MYO16: variants seen among roughly 807,000 people sequenced by gnomAD.
MYO16 encodes the protein myosin XVI.
A neutral mutation model predicts 205.3 loss-of-function variants in MYO16; 94 were observed. The observed-to-expected ratio is 0.46, with a 90% CI of 0.39 to 0.54. MYO16 has a LOEUF of 0.54. Ranked by LOEUF, MYO16 falls within the 20% of genes least tolerant of loss-of-function variation. MYO16 has a pLI of 0.00. For synonymous variants in MYO16, 988 were observed against 954.0 expected, an observed-to-expected ratio of 1.04 and a Z score of -0.66; for missense variants, 2,315 against 2,387.5, an observed-to-expected ratio of 0.97 and a Z score of 0.63.
chr13:108,934,250 A>T (rs969875862), intron 16 of MYO16, among the ~76,000 whole-genome samples: 3 of 152,058 alleles, frequency 2.0e-5, no homozygotes, highest in Non-Finnish European at 4.4e-5. Flanking sequence ...ATCCTCACCA[A>T]TGTCTATTGT....
At chr13:108,954,931 C>T (rs1276788709) in intron 16 of MYO16, among the ~76,000 whole-genome samples, 1 of 152,190 alleles carries the variant, frequency 6.6e-6, no homozygotes, top group African/African-American at 2.4e-5. Flanking sequence ...AGTAACACCA[C>T]CCCAGGAGCT....
At chr13:108,709,223 C>T (rs906615956) in intron 2 of MYO16, among the ~76,000 whole-genome samples, 8 of 152,204 alleles carry the variant, frequency 5.3e-5, no homozygotes, top group South Asian at 2.1e-4. Context: ...CTTGACTGGC[C>T]GCTCCAATCA....
At chr13:108,789,356 A>G (rs1444559119) in intron 5 of MYO16, among the ~76,000 whole-genome samples, 4 of 152,090 alleles carry the variant, frequency 2.6e-5, no homozygotes, top group Admixed American at 6.5e-5. Context: ...TCTATTTTAC[A>G]TTACTACAGT....
At chr13:108,607,781 T>C (rs1028798860) in intron 1 of MYO16, among the ~76,000 whole-genome samples, 1 of 152,176 alleles carries the variant, frequency 6.6e-6, no homozygotes, top group Non-Finnish European at 1.5e-5. Context: ...CTGAACTCAA[T>C]GTGCTCACAC....
chr13:108,743,397 T>C (rs941279536), intron 4 of MYO16, among the ~76,000 whole-genome samples: 5 of 152,210 alleles, frequency 3.3e-5, no homozygotes, highest in African/African-American at 1.2e-4. Flanking sequence ...TTTTAAGTAG[T>C]TTTGTTTTTG....
At chr13:108,876,979 T>G (rs1879359993) in intron 12 of MYO16, among the ~76,000 whole-genome samples, 1 of 152,188 alleles carries the variant, frequency 6.6e-6, no homozygotes, top group South Asian at 2.1e-4. Context: ...AACTGTATTC[T>G]TTTACAAAAA....
chr13:109,096,354 C>T (rs1888775256), intron 27 of MYO16, among the ~76,000 whole-genome samples: 1 of 152,134 alleles, frequency 6.6e-6, no homozygotes, highest in South Asian at 2.1e-4. Context: ...CTTTTCTTTT[C>T]AGGACATGAG....
intron 4 of MYO16, among the ~76,000 whole-genome samples, chr13:108,754,513 G>GGTGTGT (rs111500208): frequency 2.7e-5 from 4 of 147,738 alleles, no homozygotes; most frequent in South Asian, 2.1e-4. Flanking sequence ...TACAGGTTTT[G>GGTGTGT]GCGTGTGTGT....
intron 1 of MYO16, among the ~76,000 whole-genome samples, chr13:108,600,171 TGAGA>T (rs754605861): frequency 6.6e-4 from 101 of 152,306 alleles, no homozygotes; most frequent in Non-Finnish European, 1.2e-3. Context: ...AACACTGCCC[TGAGA>T]GAGTGTAAGG....
intron 4 of MYO16, among the ~76,000 whole-genome samples, chr13:108,748,202 G>T (rs117580775): frequency 0.014 from 2,165 of 151,456 alleles, 22 homozygotes; most frequent in South Asian, 0.023. Context: ...GTAATAGAAA[G>T]GTTTCTGGAA....
intron 21 of MYO16, among the ~76,000 whole-genome samples, chr13:108,992,954 T>G (rs920585690): frequency 1.3e-5 from 2 of 152,196 alleles, no homozygotes; most frequent in African/African-American, 4.8e-5. Context: ...TTAAAAGTAT[T>G]AAATTATGTA....
rs1594368338 is a variant in MYO16, at chr13:108,884,038, A to G, written c.1553+852A>G. Reference sequence around the variant, plus strand: ...CATCAGAGACCTATATTTTATATTCAGCCAAACCTCTACAAGGGAGGGAAA... The same window carrying G: ...CATCAGAGACCTATATTTTATATTCGGCCAAACCTCTACAAGGGAGGGAAA... On this transcript the variant is annotated intron_variant, in intron 13 of 34. Transcript: ENST00000457511. Among the ~76,000 whole-genome samples the G allele has an allele frequency of 2.6e-5, 4 of 152,358 alleles. No individual in the cohort carries two copies. In the South Asian group the frequency reaches 8.3e-4, roughly 32 times the overall value.
At chr13:108,982,045 A>C (rs1884463350) in intron 20 of MYO16, among the ~76,000 whole-genome samples, 1 of 152,240 alleles carries the variant, frequency 6.6e-6, no homozygotes, top group Non-Finnish European at 1.5e-5. Flanking sequence ...AAGATCCAGA[A>C]GTGCTTTGTA....
intron 13 of MYO16, chr13:108,886,452 G>A (rs1390196453): frequency 4.4e-6 from 2 of 456,114 alleles, no homozygotes; most frequent in African/African-American, 2.0e-5. Flanking sequence ...GAGGCGTGCG[G>A]ACACGAGAGA....
intron 1 of MYO16, among the ~76,000 whole-genome samples, chr13:108,636,814 G>A (rs187522301): frequency 6.6e-6 from 1 of 152,282 alleles, no homozygotes; most frequent in East Asian, 1.9e-4. Flanking sequence ...AATACATAGT[G>A]TGATGACTTC....
At chr13:108,806,236 G>A (rs1377548873) in intron 6 of MYO16, among the ~76,000 whole-genome samples, 1 of 152,180 alleles carries the variant, frequency 6.6e-6, no homozygotes, top group Admixed American at 6.5e-5. Context: ...ACATACAGAA[G>A]CATCACAATG....
chr13:108,500,213 TTTTTTTTGTTTTTTTTTTGTTTTTTTTG>T, the MYO16 span, among the ~76,000 whole-genome samples: 507 of 6,746 alleles, frequency 0.075, 77 homozygotes, highest in African/African-American at 0.09. Flanking sequence ...CCTGTTTTTT[TTTTTTTTGTTTTTTTTTTGTTTTTTTTG>T]TTTTTTTTTT....
intron 15 of MYO16, among the ~76,000 whole-genome samples, chr13:108,909,112 C>G (rs2139231972): frequency 6.6e-6 from 1 of 152,076 alleles, no homozygotes; most frequent in East Asian, 1.9e-4. Context: ...TTTCAGCATG[C>G]CAAACATACA....
At chr13:108,594,316 G>A (rs1261254019), upstream of MYO16, among the ~76,000 whole-genome samples, 17 of 152,128 alleles carry the variant, frequency 1.1e-4, 1 homozygote, top group Admixed American at 1.1e-3. Context: ...GATGCCCCAC[G>A]ATGCCTCACT....
Sources: allele counts gnomAD v4.1 joint callset (sites outside exome capture counted in the v4.1 genomes callset), GRCh38; gene constraint gnomAD v4.1.1; transcripts MANE v1.5; gene names NCBI Gene and HGNC (gene_info 2026-07-23, HGNC 2026-07-21).